ZAP70: variants seen among roughly 807,000 people sequenced by gnomAD.
ZAP70 encodes tyrosine-protein kinase ZAP-70.
A neutral mutation model predicts 65.8 loss-of-function variants in ZAP70; 27 were observed. The observed-to-expected ratio is 0.41, with a 90% CI of 0.30 to 0.57. ZAP70 has a LOEUF of 0.57. Ranked by LOEUF, ZAP70 falls within the 20% of genes least tolerant of loss-of-function variation. The pLI is 0.28. For missense variants in ZAP70, 696 were observed against 870.5 expected (o/e 0.80, Z 2.52); for synonymous variants, 363 against 360.8 (o/e 1.01, Z -0.07).
rs201473420 is a variant in ZAP70, at chr2:97,737,923, C to T, written c.1623+26C>T. On this transcript the variant is annotated intron_variant, in intron 12 of 13. Transcript: ENST00000264972. This position sits in a 1 kb window ranked among gnomAD's most constrained non-coding sequence, Gnocchi z 5.0. The stretch of plus-strand genomic sequence containing the variant: ...GCAGGCGCGGGCAGAGGCAGGTGGG[C>T]GGTGTGGTGGGGAGGGGGATGAGGA... 27 of 1,613,822 alleles carry T rather than the reference C, an allele frequency of 1.7e-5. No homozygotes were observed. Among genetic ancestry groups the T allele is most frequent in the East Asian group, 8.9e-5 (4 of 44,890 alleles).
chr2:97,723,617 C>T (rs1388096128), intron 2 of ZAP70, among the ~76,000 whole-genome samples: 1 of 152,244 alleles, frequency 6.6e-6, no homozygotes, highest in African/African-American at 2.4e-5. Context: ...TCACGGCTCT[C>T]CCTCCTTAGA....
intron 4 of ZAP70, chr2:97,732,570 T>C (rs1273799827): frequency 2.1e-6 from 1 of 467,084 alleles, no homozygotes; most frequent in South Asian, 2.1e-5. Context: ...AGTGGATGGG[T>C]GTCCCCTCCT....
In ZAP70 at chr2:97,737,056, C is replaced by T. The variant is rs1010686519; in HGVS notation, c.1290-417C>T. 6.6e-6 allele frequency among the ~76,000 whole-genome samples: 1 copy of T among 152,076 alleles called. No individual in the cohort carries two copies. The highest frequency in any genetic ancestry group is 2.1e-4 in the South Asian group (1 of 4,822). ...GCGGTGGATTCTGGAGAGATTCTGA[C>T]ACCAGAACTGCCAGGGTTTGCTGAT... On this transcript the variant is annotated intron_variant, in intron 10 of 13. Coordinates refer to ENST00000264972, the MANE Select transcript of ZAP70 (RefSeq NM_001079.4). This position sits in a 1 kb window ranked among gnomAD's most constrained non-coding sequence, Gnocchi z 5.0.
At position 97,734,551 on chromosome 2, in the gene ZAP70, G is replaced by A. The variant is rs754376652; in HGVS notation, c.921G>A (p.Pro307=). Reference sequence around the variant, plus strand: ...TAACGTCCCCAGACAAACCGCGGCCGATGCCCATGGACACGAGCGTGTATG... The same window carrying A: ...TAACGTCCCCAGACAAACCGCGGCCAATGCCCATGGACACGAGCGTGTATG... The part of the protein sequence containing the change: ...ARITSPDKPR[P]MPMDTSVYES... Residue 307 remains proline, a synonymous_variant, in exon 9 of 14, where the codon CCG becomes CCA. Coordinates refer to ENST00000264972, the MANE Select transcript of ZAP70 (RefSeq NM_001079.4). 5.0e-6 allele frequency: 8 copies of A among 1,613,976 alleles called. No homozygotes were observed. Among genetic ancestry groups the A allele is most frequent in the African/African-American group, 1.3e-5 (1 of 74,936 alleles).
intron 13 of ZAP70, 58 bp downstream of exon 13, chr2:97,738,165 C>T (rs778755088): frequency 1.4e-5 from 21 of 1,474,790 alleles, no homozygotes; most frequent in South Asian, 3.6e-5. Flanking sequence ...TCCTGGTGCC[C>T]GATGAGTTGA....
chr2:97,733,249 G>A (rs772445297), intron 6 of ZAP70, 37 bp downstream of exon 6: 77 of 1,609,164 alleles, frequency 4.8e-5, no homozygotes, highest in South Asian at 8.8e-5. Flanking sequence ...GGGCGGGGGC[G>A]GCAGGAGACC....
At chr2:97,720,291 G>A (rs1268783137) in intron 2 of ZAP70, among the ~76,000 whole-genome samples, 5 of 152,038 alleles carry the variant, frequency 3.3e-5, no homozygotes, top group South Asian at 2.1e-4. Context: ...GAAGTGGTGC[G>A]ATCTCGGCTC....
At position 97,715,032 on chromosome 2, in the gene ZAP70, C is replaced by T. The variant is rs1676851628; in HGVS notation, c.-22+1038C>T. ...AAAGAGAGTGACTGTATCCACACTG[C>T]CCGGCACATACAGGTGCTGCAGAAA... On this transcript the variant is annotated intron_variant, in intron 2 of 13. Coordinates refer to ENST00000264972, the MANE Select transcript of ZAP70 (RefSeq NM_001079.4). This position sits in a 1 kb window ranked among gnomAD's most constrained non-coding sequence, Gnocchi z 4.1. Among the ~76,000 whole-genome samples, 1 of 152,172 alleles carries T rather than the reference C, an allele frequency of 6.6e-6. No individual in the cohort carries two copies. The highest frequency in any genetic ancestry group is 6.5e-5 in the Admixed American group (1 of 15,278).
chr2:97,746,271 T>C, the ZAP70 span, among the ~76,000 whole-genome samples: 1 of 152,210 alleles, frequency 6.6e-6, no homozygotes, highest in Non-Finnish European at 1.5e-5. Flanking sequence ...ACACTGTGAA[T>C]GTAATTGACA....
rs1409856188 is a variant in ZAP70, at chr2:97,723,923, C to T, written c.-21-93C>T. The T allele has an allele frequency of 5.7e-6, 8 of 1,406,124 alleles. No homozygotes were observed. The East Asian group carries it at 1.0e-4, about 18-fold the overall frequency. The allele number at this position is 1,406,124 out of a possible 1,614,324, so 87.1% of individuals were successfully genotyped here. A position where few individuals can be genotyped will look rare whatever the true frequency, so the allele number is the denominator to read the frequency against. On this transcript the variant is annotated intron_variant, in intron 2 of 13. Coordinates refer to ENST00000264972, the MANE Select transcript of ZAP70 (RefSeq NM_001079.4). Reference sequence around the variant, plus strand: ...GCGAGCTCAGTCTGCGGCACTGATGCCCTCCACTTGGCGTCTCTCGCGCCG... The same window carrying T: ...GCGAGCTCAGTCTGCGGCACTGATGTCCTCCACTTGGCGTCTCTCGCGCCG...
At chr2:97,739,251 C>T in intron 13 of ZAP70, 124 bp from the exon 14 acceptor site, 3 of 1,468,704 alleles carry the variant, frequency 2.0e-6, no homozygotes, top group Non-Finnish European at 1.8e-6. Flanking sequence ...GCCACCCCAA[C>T]AGCCCTGCTG....
At chr2:97,740,740 T>C (rs1678108571), downstream of ZAP70, among the ~76,000 whole-genome samples, 1 of 152,186 alleles carries the variant, frequency 6.6e-6, no homozygotes, top group Non-Finnish European at 1.5e-5. Context: ...CCGCCCTCAC[T>C]GCCTGCTTCA....
the ZAP70 span, among the ~76,000 whole-genome samples, chr2:97,751,754 C>T: frequency 6.6e-6 from 1 of 152,124 alleles, no homozygotes; most frequent in Admixed American, 6.5e-5. Flanking sequence ...GGGCTGGGTG[C>T]ACTCCTGGTG....
At chr2:97,756,095 G>A in the ZAP70 span, among the ~76,000 whole-genome samples, 1 of 152,196 alleles carries the variant, frequency 6.6e-6, no homozygotes, top group Admixed American at 6.5e-5. Flanking sequence ...GTGGCAGAGG[G>A]AAAACGCTTA....
chr2:97,748,919 C>A, the ZAP70 span, among the ~76,000 whole-genome samples: 1 of 151,922 alleles, frequency 6.6e-6, no homozygotes, highest in African/African-American at 2.4e-5. Flanking sequence ...TTGCGGATCT[C>A]ATGTGCTCTT....
chr2:97,754,408 C>CT, the ZAP70 span, among the ~76,000 whole-genome samples: 26 of 151,274 alleles, frequency 1.7e-4, no homozygotes, highest in South Asian at 1.0e-3. Flanking sequence ...TTTTTCTTAT[C>CT]TTTTTTTTTG....
Position 97,738,100 on chromosome 2 carries a change from A to G in ZAP70, c.1729A>G (p.Ile577Val). Reference sequence around the variant, plus strand: ...GTACGCACTCATGAGTGACTGCTGGATCTACAAGTGAGTGCCAGTGGGGAG... The same window carrying G: ...GTACGCACTCATGAGTGACTGCTGGGTCTACAAGTGAGTGCCAGTGGGGAG... ...ELYALMSDCW[I>V]YKWEDRPDFL... The change falls in exon 13 of 14, where the codon ATC becomes GTC. Residue 577 changes from isoleucine to valine, a missense_variant. By Grantham distance (29) the Ile-to-Val change is conservative. Transcript: ENST00000264972. The G allele has an allele frequency of 6.3e-7, 1 of 1,599,258 alleles. No homozygotes were observed. Among genetic ancestry groups the G allele is most frequent in the Non-Finnish European group, 8.5e-7 (1 of 1,172,690 alleles).
chr2:97,723,772 G>A (rs889197027), intron 2 of ZAP70, among the ~76,000 whole-genome samples: 18 of 152,210 alleles, frequency 1.2e-4, no homozygotes, highest in African/African-American at 4.1e-4. Flanking sequence ...ACCAGTTGGC[G>A]TGCTTGGGCG....
the ZAP70 span, among the ~76,000 whole-genome samples, chr2:97,751,091 G>T: frequency 5.3e-5 from 8 of 152,228 alleles, no homozygotes; most frequent in Non-Finnish European, 1.2e-4. Context: ...GGAGACGTGG[G>T]TGTTGTAAAT....
Sources: gnomAD v4.1 joint callset for allele counts (sites outside exome capture counted in the v4.1 genomes callset) on GRCh38, gnomAD v4.1.1 for gene constraint, Gnocchi (gnomAD v3.1) non-coding constraint, MANE v1.5 for transcripts, NCBI Gene and HGNC (gene_info 2026-07-23, HGNC 2026-07-21) for gene names.